Variants in ST3GAL6 observed in about 807,000 individuals in gnomAD.
ST3GAL6 encodes the protein ST3 beta-galactoside alpha-2,3-sialyltransferase 6.
A neutral mutation model predicts 40.5 loss-of-function variants in ST3GAL6; 31 were observed. The ratio of observed to expected loss-of-function variants is 0.77; its 90% CI spans 0.58 to 1.03. The LOEUF is 1.03. Among genes scored for constraint, ST3GAL6 ranks in the 50% least tolerant of loss-of-function variants. ST3GAL6 has a pLI of 0.00. For synonymous variants in ST3GAL6, 129 were observed against 136.9 expected, an observed-to-expected ratio of 0.94 and a Z score of 0.40; for missense variants, 357 against 393.2, an observed-to-expected ratio of 0.91 and a Z score of 0.78.
intron 2 of ST3GAL6, among the ~76,000 whole-genome samples, chr3:98,768,730 C>T (rs554916984): frequency 1.2e-4 from 19 of 152,256 alleles, no homozygotes; most frequent in African/African-American, 4.3e-4. Flanking sequence ...GCAACACCTA[C>T]TTTCTATTGA....
intron 1 of ST3GAL6, among the ~76,000 whole-genome samples, chr3:98,748,070 T>C (rs547865926): frequency 3.9e-5 from 6 of 152,336 alleles, no homozygotes; most frequent in African/African-American, 1.4e-4. Context: ...CTAGGAGCCA[T>C]ACATTTATCA....
chr3:98,753,317 C>A (rs1027214178), intron 1 of ST3GAL6, among the ~76,000 whole-genome samples: 1 of 152,158 alleles, frequency 6.6e-6, no homozygotes, highest in Non-Finnish European at 1.5e-5. Flanking sequence ...ACTAAGGGAA[C>A]CTGCAGAAGA....
At chr3:98,742,243 T>C (rs772732838) in intron 1 of ST3GAL6, among the ~76,000 whole-genome samples, 4 of 152,232 alleles carry the variant, frequency 2.6e-5, no homozygotes, top group Non-Finnish European at 4.4e-5. Context: ...CTGATGTTAA[T>C]ATTTAGCTCT....
At position 98,746,166 on chromosome 3, in the gene ST3GAL6, A is replaced by G. The variant is rs554504826; in HGVS notation, c.-12+13634A>G. Reference sequence around the variant, plus strand: ...CATCTGCTTGGTCGGTTTTCTCACTAAACTATTATGCTAGTGATATGAATT... The same window carrying G: ...CATCTGCTTGGTCGGTTTTCTCACTGAACTATTATGCTAGTGATATGAATT... On this transcript the variant is annotated intron_variant, in intron 1 of 9. Transcript: ENST00000265261. 3.2e-4 allele frequency among the ~76,000 whole-genome samples: 48 copies of G among 152,228 alleles called. 1 individual carries two copies. Among genetic ancestry groups the G allele is most frequent in the Admixed American group, 2.9e-3 (44 of 15,274 alleles).
chr3:98,740,106 A>AT (rs35680837), intron 1 of ST3GAL6, among the ~76,000 whole-genome samples: 1 of 151,972 alleles, frequency 6.6e-6, no homozygotes, highest in East Asian at 1.9e-4. Context: ...AAATAATTGG[A>AT]TTTTTTGATA....
chr3:98,788,628 G>A (rs1362469025), intron 8 of ST3GAL6, among the ~76,000 whole-genome samples, 165 bp downstream of exon 8: 1 of 151,914 alleles, frequency 6.6e-6, no homozygotes, highest in Non-Finnish European at 1.5e-5. Flanking sequence ...TTATCTTTAT[G>A]TTTTTCATTT....
intron 6 of ST3GAL6, among the ~76,000 whole-genome samples, chr3:98,786,101 A>C (rs1262561405): frequency 1.3e-5 from 2 of 152,100 alleles, no homozygotes; most frequent in African/African-American, 4.8e-5. Flanking sequence ...TAGATTTGAG[A>C]TGCTTGTTAG....
rs1476685967 is a variant in ST3GAL6, at chr3:98,768,438, G to C, written c.-3G>C. On this transcript the variant is annotated 5_prime_UTR_variant, in exon 2 of 10. Coordinates refer to ENST00000483910, the MANE Select transcript of ST3GAL6 (RefSeq NM_001323368.2). ...CATTCCTTGTGTTTCAGGTGAGCCA[G>C]CCATGAGAGGGTATCTTGTGGCCAT... The C allele has an allele frequency of 6.2e-7, 1 of 1,613,636 alleles. No individual in the cohort carries two copies.
At chr3:98,763,733 TAAA>T (rs1156871943) in intron 1 of ST3GAL6, among the ~76,000 whole-genome samples, 2 of 100,162 alleles carry the variant, frequency 2.0e-5, no homozygotes, top group Non-Finnish European at 2.2e-5. Flanking sequence ...TCCTAGTGAC[TAAA>T]AAAAAAAAAA....
chr3:98,748,137 C>T (rs1365882365), intron 1 of ST3GAL6, among the ~76,000 whole-genome samples: 1 of 152,152 alleles, frequency 6.6e-6, no homozygotes, highest in African/African-American at 2.4e-5. Context: ...TTCATGATGT[C>T]ATTCTGTGCA....
At chr3:98,741,782 T>C (rs947815671) in intron 1 of ST3GAL6, among the ~76,000 whole-genome samples, 3 of 152,204 alleles carry the variant, frequency 2.0e-5, no homozygotes, top group African/African-American at 7.2e-5. Flanking sequence ...TCCTTCCAAT[T>C]GCTGTTGTCA....
At chr3:98,744,151 A>C (rs1170935062) in intron 1 of ST3GAL6, among the ~76,000 whole-genome samples, 1 of 152,230 alleles carries the variant, frequency 6.6e-6, no homozygotes, top group East Asian at 1.9e-4. Flanking sequence ...TGGCAGAGCC[A>C]AAGCTAGGAA....
intron 2 of ST3GAL6, among the ~76,000 whole-genome samples, chr3:98,769,106 A>G (rs1452257959): frequency 6.6e-6 from 1 of 152,190 alleles, no homozygotes. Flanking sequence ...TTAAATCCCA[A>G]GCGGGTGGCA....
intron 1 of ST3GAL6, among the ~76,000 whole-genome samples, chr3:98,746,868 C>T (rs941067863): frequency 2.6e-5 from 4 of 152,132 alleles, no homozygotes; most frequent in Non-Finnish European, 4.4e-5. Context: ...TCAGTTTACA[C>T]TTGATAATAA....
At chr3:98,765,844 G>GT (rs1426506749) in intron 1 of ST3GAL6, among the ~76,000 whole-genome samples, 3 of 152,010 alleles carry the variant, frequency 2.0e-5, no homozygotes, top group African/African-American at 7.2e-5. Flanking sequence ...CTTAAATTCT[G>GT]TTTTTTTCTT....
chr3:98,762,183 CA>C (rs534289760), upstream of ST3GAL6, among the ~76,000 whole-genome samples: 71 of 152,240 alleles, frequency 4.7e-4, no homozygotes, highest in Admixed American at 2.5e-3. Context: ...ATTGTATTAG[CA>C]GAAGAGTTGG....
chr3:98,741,572 G>A (rs1052256588), intron 1 of ST3GAL6, among the ~76,000 whole-genome samples: 1 of 152,154 alleles, frequency 6.6e-6, no homozygotes, highest in African/African-American at 2.4e-5. Context: ...GATGAGTCAA[G>A]AGTCAAGCAT....
At chr3:98,749,219 T>G (rs1215759619) in intron 1 of ST3GAL6, among the ~76,000 whole-genome samples, 1 of 152,148 alleles carries the variant, frequency 6.6e-6, no homozygotes, top group Non-Finnish European at 1.5e-5. Context: ...TAAGGATCAA[T>G]CCACTGGTTT....
intron 5 of ST3GAL6, among the ~76,000 whole-genome samples, chr3:98,775,424 C>T (rs560280723): frequency 1.3e-5 from 2 of 149,834 alleles, no homozygotes; most frequent in African/African-American, 4.9e-5. Flanking sequence ...TGCAGTGAGC[C>T]GAGATCCACC....
Sources: gnomAD v4.1 joint callset for allele counts (sites outside exome capture counted in the v4.1 genomes callset) on GRCh38, gnomAD v4.1.1 for gene constraint, MANE v1.5 for transcripts, NCBI Gene and HGNC (gene_info 2026-07-23, HGNC 2026-07-21) for gene names.